Variants in JAZF1 observed in about 807,000 individuals in gnomAD.
The protein encoded by JAZF1 is JAZF zinc finger 1.
In JAZF1, 8 loss-of-function variants were observed where a neutral mutation model predicts 26.4. That is an observed-to-expected ratio of 0.30 (90% CI 0.18 to 0.55). The LOEUF (loss-of-function observed/expected upper bound fraction) is 0.55, where lower values mean the gene tolerates loss of function less well. Among genes scored for constraint, JAZF1 ranks in the 20% least tolerant of loss-of-function variants. JAZF1 has a pLI of 0.94. For missense variants in JAZF1, 199 were observed against 322.0 expected (o/e 0.62, Z 2.92); for synonymous variants, 126 against 122.3 (o/e 1.03, Z -0.20).
At chr7:27,999,870 C>T (rs1226441727) in intron 1 of JAZF1, among the ~76,000 whole-genome samples, 2 of 152,086 alleles carry the variant, frequency 1.3e-5, no homozygotes, top group Admixed American at 1.3e-4. Context: ...AATGACTTTA[C>T]CAGGATATAT....
chr7:28,047,988 T>G (rs1041667721), intron 1 of JAZF1, among the ~76,000 whole-genome samples: 1 of 152,132 alleles, frequency 6.6e-6, no homozygotes, highest in African/African-American at 2.4e-5. Flanking sequence ...GCTTTGGAGG[T>G]GTACAAATTA....
At chr7:28,134,391 C>T (rs1782845119) in intron 1 of JAZF1, among the ~76,000 whole-genome samples, 2 of 152,000 alleles carry the variant, frequency 1.3e-5, no homozygotes, top group African/African-American at 4.8e-5. Context: ...GCCTCCATCT[C>T]CAGGGCTCAA....
intron 1 of JAZF1, among the ~76,000 whole-genome samples, chr7:28,177,961 A>G (rs1025926930): frequency 6.6e-6 from 1 of 152,208 alleles, no homozygotes; most frequent in South Asian, 2.1e-4. Context: ...GCAGAAGTGT[A>G]TAATAGTTTG....
In JAZF1 at chr7:27,849,674, G is replaced by A. The variant is rs1291626811; in HGVS notation, c.386-8807C>T. 7.2e-5 allele frequency among the ~76,000 whole-genome samples: 11 copies of A among 151,908 alleles called. No individual in the cohort carries two copies. The East Asian group carries it at 1.7e-3, about 24-fold the overall frequency. Reference sequence around the variant, plus strand: ...AAATATATTCCACAGGATGGCTGGGGAGCTTCTACTGGTTGTTGGCAAAGG... The same window carrying A: ...AAATATATTCCACAGGATGGCTGGGAAGCTTCTACTGGTTGTTGGCAAAGG... On this transcript the variant is annotated intron_variant, in intron 3 of 4. Coordinates refer to ENST00000283928, the MANE Select transcript of JAZF1 (RefSeq NM_175061.4).
At chr7:27,894,540 G>A (rs1273992218) in intron 3 of JAZF1, among the ~76,000 whole-genome samples, 4 of 152,168 alleles carry the variant, frequency 2.6e-5, no homozygotes, top group African/African-American at 9.7e-5. Flanking sequence ...CTGGAGGAGA[G>A]CAGATGAGAG....
intron 2 of JAZF1, among the ~76,000 whole-genome samples, chr7:27,955,909 C>T (rs946133570): frequency 6.6e-5 from 10 of 152,178 alleles, no homozygotes; most frequent in Non-Finnish European, 1.3e-4. Flanking sequence ...TCTGTACCTA[C>T]GACCTACAGC....
At chr7:28,053,727 A>G (rs957582602) in intron 1 of JAZF1, among the ~76,000 whole-genome samples, 2 of 152,226 alleles carry the variant, frequency 1.3e-5, no homozygotes, top group African/African-American at 2.4e-5. Context: ...CTTAAATTTC[A>G]TAACACTGGC....
intron 3 of JAZF1, among the ~76,000 whole-genome samples, chr7:27,857,212 C>T (rs1211519247): frequency 1.3e-5 from 2 of 152,226 alleles, no homozygotes; most frequent in African/African-American, 4.8e-5. Context: ...AGGGAGGTAG[C>T]TAAGGCCCGG....
chr7:27,868,348 A>G (rs1224609534), intron 3 of JAZF1, among the ~76,000 whole-genome samples: 1 of 152,188 alleles, frequency 6.6e-6, no homozygotes, highest in Non-Finnish European at 1.5e-5. Flanking sequence ...GCTCCTGCAG[A>G]TGCCGTTCCC....
chr7:28,008,221 A>T (rs1226899005), intron 1 of JAZF1, among the ~76,000 whole-genome samples: 5 of 151,972 alleles, frequency 3.3e-5, no homozygotes, highest in African/African-American at 1.2e-4. Context: ...TTTTAAAATT[A>T]ATTATTATTA....
chr7:27,897,125 G>A (rs1363129013), intron 2 of JAZF1, among the ~76,000 whole-genome samples: 1 of 152,026 alleles, frequency 6.6e-6, no homozygotes, highest in Non-Finnish European at 1.5e-5. Context: ...CTATCATGGT[G>A]CTGAGCTTCT....
intron 1 of JAZF1, among the ~76,000 whole-genome samples, chr7:28,144,985 C>A (rs549304384): frequency 6.6e-6 from 1 of 152,170 alleles, no homozygotes; most frequent in Non-Finnish European, 1.5e-5. Context: ...GAGATGAGAT[C>A]ACTCTCCTCT....
At chr7:27,920,138 C>T (rs888705680) in intron 2 of JAZF1, among the ~76,000 whole-genome samples, 20 of 152,176 alleles carry the variant, frequency 1.3e-4, no homozygotes, top group Non-Finnish European at 2.8e-4. Flanking sequence ...TGTTTTAGTA[C>T]AGTGAGTCCT....
chr7:28,057,480 T>C (rs1312173591), intron 1 of JAZF1, among the ~76,000 whole-genome samples: 1 of 152,204 alleles, frequency 6.6e-6, no homozygotes, highest in Non-Finnish European at 1.5e-5. Flanking sequence ...TCCTCAATCA[T>C]CTTATGTGAT....
At chr7:27,878,168 G>C (rs1016579423) in intron 3 of JAZF1, among the ~76,000 whole-genome samples, 1 of 152,092 alleles carries the variant, frequency 6.6e-6, no homozygotes, top group African/African-American at 2.4e-5. Context: ...TTGCTGTTTT[G>C]TAGTGGCTGG....
At chr7:27,939,502 G>A (rs1200586780) in intron 2 of JAZF1, among the ~76,000 whole-genome samples, 1 of 152,210 alleles carries the variant, frequency 6.6e-6, no homozygotes, top group Non-Finnish European at 1.5e-5. Flanking sequence ...TGGAGAGAAG[G>A]GGATGAGCTG....
In JAZF1 at chr7:27,831,267, G is replaced by A. The variant is rs922277676; in HGVS notation, c.*1533C>T. The A allele has an allele frequency of 4.4e-6, 1 of 225,700 alleles. No homozygotes were observed. Among genetic ancestry groups the A allele is most frequent in the Non-Finnish European group, 8.8e-6 (1 of 113,162 alleles). The allele number at this position is 225,700 out of a possible 1,614,324, so 14.0% of individuals were successfully genotyped here. ...AACAGAACTGTCATCCTTTCAAAAT[G>A]TCTGAAAATTGAGGAGGGACCCCTG... is the stretch of plus-strand genomic sequence containing the variant. On this transcript the variant is annotated 3_prime_UTR_variant, in exon 5 of 5. Transcript: ENST00000283928.
At chr7:28,057,572 C>A (rs1007935720) in intron 1 of JAZF1, among the ~76,000 whole-genome samples, 1 of 152,070 alleles carries the variant, frequency 6.6e-6, no homozygotes, top group African/African-American at 2.4e-5. Context: ...CAAACATACA[C>A]GAAAGTAAAG....
intron 1 of JAZF1, among the ~76,000 whole-genome samples, chr7:28,178,257 TA>T (rs901305983): frequency 7.4e-5 from 11 of 148,646 alleles, no homozygotes; most frequent in African/African-American, 9.9e-5. Context: ...TTTCTACACT[TA>T]AAAAAAAAAC....
Sources: allele counts gnomAD v4.1 joint callset (sites outside exome capture counted in the v4.1 genomes callset), GRCh38; gene constraint gnomAD v4.1.1; transcripts MANE v1.5; gene names NCBI Gene and HGNC (gene_info 2026-07-23, HGNC 2026-07-21).